Variants in LAPTM4B observed in about 807,000 individuals in gnomAD.
LAPTM4B encodes lysosomal-associated transmembrane protein 4B.
A neutral mutation model predicts 28.5 loss-of-function variants in LAPTM4B; 26 were observed. The observed-to-expected ratio is 0.91, with a 90% confidence interval of 0.67 to 1.27. The LOEUF (loss-of-function observed/expected upper bound fraction) is 1.27. Among genes scored for constraint, LAPTM4B ranks in the 50% most tolerant of loss-of-function variants. The pLI is 0.00. For missense variants in LAPTM4B, 288 were observed against 285.8 expected (o/e 1.01, Z -0.06); for synonymous variants, 109 against 106.4 (o/e 1.02, Z -0.15).
intron 6 of LAPTM4B, among the ~76,000 whole-genome samples, chr8:97,829,073 G>A (rs753351269): frequency 2.0e-5 from 3 of 152,166 alleles, no homozygotes; most frequent in Non-Finnish European, 2.9e-5. Context: ...AGAGTAAAAA[G>A]GTAAGAGTGT....
intron 1 of LAPTM4B, among the ~76,000 whole-genome samples, chr8:97,777,444 C>T (rs1228591803): frequency 6.6e-6 from 1 of 151,928 alleles, no homozygotes; most frequent in Admixed American, 6.6e-5. Flanking sequence ...GCCACCGCGC[C>T]CGGCCGAGAA....
intron 4 of LAPTM4B, among the ~76,000 whole-genome samples, chr8:97,816,587 G>A: frequency 6.6e-6 from 1 of 152,232 alleles, no homozygotes; most frequent in African/African-American, 2.4e-5. Flanking sequence ...GTGAGCCACT[G>A]TGCCTGGCCT....
chr8:97,818,053 T>G (rs920114349), intron 4 of LAPTM4B, among the ~76,000 whole-genome samples: 1 of 152,246 alleles, frequency 6.6e-6, no homozygotes, highest in Non-Finnish European at 1.5e-5. Flanking sequence ...ACTCAAGCAA[T>G]CTGCCTGCCT....
At chr8:97,786,612 T>A (rs1816406720) in intron 1 of LAPTM4B, among the ~76,000 whole-genome samples, 1 of 150,522 alleles carries the variant, frequency 6.6e-6, no homozygotes, top group Non-Finnish European at 1.5e-5. Context: ...GCCCGGAGAA[T>A]CACGTGAACC....
intron 1 of LAPTM4B, among the ~76,000 whole-genome samples, chr8:97,802,105 G>A (rs886646162): frequency 6.6e-6 from 1 of 152,104 alleles, no homozygotes; most frequent in Non-Finnish European, 1.5e-5. Flanking sequence ...ACTGGAAAGG[G>A]GATCCAGACC....
intron 6 of LAPTM4B, among the ~76,000 whole-genome samples, chr8:97,835,380 G>A (rs944967501): frequency 6.6e-6 from 1 of 152,178 alleles, no homozygotes; most frequent in African/African-American, 2.4e-5. Context: ...GAGAAGAGTT[G>A]CTAGATATTG....
intron 1 of LAPTM4B, among the ~76,000 whole-genome samples, chr8:97,784,817 G>A (rs1816376473): frequency 6.6e-6 from 1 of 152,132 alleles, no homozygotes; most frequent in Admixed American, 6.6e-5. Flanking sequence ...GTTATATATA[G>A]CTCTCTAGAT....
chr8:97,802,442 A>T (rs563018178), intron 1 of LAPTM4B, among the ~76,000 whole-genome samples: 4 of 152,230 alleles, frequency 2.6e-5, no homozygotes, highest in South Asian at 2.1e-4. Context: ...GTCTTTTAGC[A>T]TGCATGCTAA....
chr8:97,851,355 G>A lies in LAPTM4B; in HGVS notation c.604-42G>A, dbSNP rs28394592. 5.1e-3 allele frequency: 7,475 copies of A among 1,462,694 alleles called. 272 individuals carry two copies. The African/African-American group carries it at 0.091, about 18-fold the overall frequency. 90.6% of individuals were successfully genotyped at this position (1,462,694 alleles called of 1,614,324 possible). ...AAGCTAAACCTCGGGGAACGTGTGT[G>A]CTCTTCAAACATTAACTCTTGCCGT... On this transcript the variant is annotated intron_variant, in intron 6 of 6. Coordinates refer to ENST00000521545, the MANE Select transcript of LAPTM4B (RefSeq NM_018407.6).
chr8:97,837,106 G>A (rs1817271238), intron 6 of LAPTM4B, among the ~76,000 whole-genome samples: 1 of 152,052 alleles, frequency 6.6e-6, no homozygotes, highest in Non-Finnish European at 1.5e-5. Flanking sequence ...GCCTGACTAA[G>A]GGGGAATGGG....
intron 2 of LAPTM4B, among the ~76,000 whole-genome samples, chr8:97,808,420 C>T (rs573993019): frequency 3.8e-4 from 57 of 151,618 alleles, no homozygotes; most frequent in Non-Finnish European, 2.5e-4. Context: ...TGCACTCTAG[C>T]CTGGGTGACA....
intron 6 of LAPTM4B, among the ~76,000 whole-genome samples, chr8:97,850,476 G>GTGTGTGTGTGTA (rs1554594410): frequency 1.4e-5 from 2 of 147,558 alleles, no homozygotes; most frequent in African/African-American, 2.6e-5. Flanking sequence ...GTGTGTGTGT[G>GTGTGTGTGTGTA]TGTGTGTGTG....
intron 6 of LAPTM4B, among the ~76,000 whole-genome samples, chr8:97,832,690 T>TATTTC (rs1817200387): frequency 4.7e-5 from 2 of 42,762 alleles, no homozygotes; most frequent in Non-Finnish European, 1.1e-4. Context: ...TATTTTATTT[T>TATTTC]ATTTTATTTT....
chr8:97,804,371 G>A (rs1173133567), intron 1 of LAPTM4B, among the ~76,000 whole-genome samples: 2 of 152,358 alleles, frequency 1.3e-5, no homozygotes, highest in African/African-American at 4.8e-5. Context: ...GGATTTTGCA[G>A]TTGGTTGAGT....
At chr8:97,831,754 G>A (rs763781928) in intron 6 of LAPTM4B, among the ~76,000 whole-genome samples, 2 of 152,194 alleles carry the variant, frequency 1.3e-5, no homozygotes, top group African/African-American at 4.8e-5. Flanking sequence ...TGTCTGGAGC[G>A]GAGACTGGAA....
intron 6 of LAPTM4B, among the ~76,000 whole-genome samples, chr8:97,835,224 A>G (rs569108310): frequency 6.6e-6 from 1 of 152,340 alleles, no homozygotes; most frequent in East Asian, 1.9e-4. Context: ...CCCAGGCTGA[A>G]TAGTTTCAGG....
chr8:97,804,630 G>C (rs536167025), intron 1 of LAPTM4B, among the ~76,000 whole-genome samples: 1 of 152,202 alleles, frequency 6.6e-6, no homozygotes, highest in African/African-American at 2.4e-5. Flanking sequence ...AAAGCACTTA[G>C]CATAGTGCCT....
At chr8:97,776,260 T>C in intron 1 of LAPTM4B, 152 bp downstream of exon 1, 2 of 1,035,910 alleles carry the variant, frequency 1.9e-6, no homozygotes, top group South Asian at 2.0e-5. Context: ...CGTCCGCACT[T>C]CCCCCGGCTG....
rs71271158 is a variant in LAPTM4B at position 97,816,938 on chromosome 8, T to TA, written c.408+767dup. Among the ~76,000 whole-genome samples the TA allele has an allele frequency of 6.1e-3, 920 of 150,920 alleles. 6 individuals are homozygous for TA. Among genetic ancestry groups the TA allele is most frequent in the African/African-American group, 0.021 (862 of 41,168 alleles). ...CTGGGCAATAGAGTGAGATCTCATCTAAAAAAAAAGAAAAATCAAAAGAAA... is the reference window on the plus strand; with the variant it reads ...CTGGGCAATAGAGTGAGATCTCATCTAAAAAAAAAAGAAAAATCAAAAGAAA... On this transcript the variant is annotated intron_variant, in intron 4 of 6. Coordinates refer to ENST00000521545, the MANE Select transcript of LAPTM4B (RefSeq NM_018407.6).
Sources: allele counts gnomAD v4.1 joint callset (sites outside exome capture counted in the v4.1 genomes callset), GRCh38; gene constraint gnomAD v4.1.1; transcripts MANE v1.5; gene names NCBI Gene and HGNC (gene_info 2026-07-23, HGNC 2026-07-21).